The following PTPN14 variants were observed in gnomAD, a reference collection of about 807,000 sequenced individuals.
PTPN14 encodes the protein protein tyrosine phosphatase non-receptor type 14, also known as tyrosine-protein phosphatase non-receptor type 14.
A neutral mutation model predicts 126.8 loss-of-function variants in PTPN14; 53 were observed. That is an observed-to-expected ratio of 0.42 (90% CI 0.34 to 0.53). PTPN14 has a LOEUF of 0.53. Among genes scored for constraint, PTPN14 ranks in the 20% least tolerant of loss-of-function variants. The pLI is 0.08. For synonymous variants in PTPN14, 630 were observed against 599.3 expected (o/e 1.05, Z -0.75); for missense variants, 1,257 against 1,552.9 (o/e 0.81, Z 3.20).
chr1:214,391,923 A>G (rs1658762506), intron 10 of PTPN14, among the ~76,000 whole-genome samples: 1 of 152,112 alleles, frequency 6.6e-6, no homozygotes, highest in Non-Finnish European at 1.5e-5. Flanking sequence ...CCGCCGCCTA[A>G]TTTTTCTCCC....
At chr1:214,436,786 C>CAAAAAAAA (rs1159209240) in intron 3 of PTPN14, among the ~76,000 whole-genome samples, 3 of 46,646 alleles carry the variant, frequency 6.4e-5, no homozygotes, top group African/African-American at 2.3e-4. Context: ...GACTCCGTCT[C>CAAAAAAAA]AAAAAAAAAA....
intron 3 of PTPN14, 70 bp downstream of exon 3, chr1:214,451,735 A>T: frequency 1.3e-6 from 2 of 1,538,926 alleles, no homozygotes; most frequent in Non-Finnish European, 1.8e-6. Context: ...CTACCAGCTC[A>T]TCTACTTCAT....
chr1:214,505,519 C>T (rs148965797), intron 1 of PTPN14, among the ~76,000 whole-genome samples: 24 of 152,270 alleles, frequency 1.6e-4, no homozygotes, highest in Admixed American at 5.2e-4. Context: ...GAGCTGAGGA[C>T]GGAATGGGAG....
chr1:214,364,410 G>A lies in PTPN14; in HGVS notation c.3435+102C>T. The stretch of plus-strand genomic sequence containing the variant: ...CTGGAAAACTCTGGTTGGGAGACAG[G>A]AAATTAACCACTGAAAATGCAAGGG... On this transcript the variant is annotated intron_variant, in intron 18 of 18. Transcript: ENST00000366956. The surrounding 1 kb of genome is among the most constrained non-coding windows in gnomAD (Gnocchi z 4.1). 1.4e-6 allele frequency: 2 copies of A among 1,428,446 alleles called. No individual in the cohort carries two copies. The highest frequency in any genetic ancestry group is 1.9e-6 in the Non-Finnish European group (2 of 1,059,928). 88.5% of individuals were successfully genotyped at this position (1,428,446 alleles called of 1,614,324 possible). A position where few individuals can be genotyped will look rare whatever the true frequency, so the allele number is the denominator to read the frequency against.
intron 1 of PTPN14, among the ~76,000 whole-genome samples, chr1:214,509,923 G>A (rs1482483445): frequency 6.6e-6 from 1 of 152,206 alleles, no homozygotes; most frequent in African/African-American, 2.4e-5. Flanking sequence ...TCACTCGTAG[G>A]TGGGAATTGA....
rs73074087 is a variant in PTPN14 at position 214,402,736 on chromosome 1, G to A, written c.581+147C>T. ...AAGTGGACATTCACTTTTGCAGAAC[G>A]GAAGTACAGAGCTGAGTCACGTGGT... On this transcript the variant is annotated intron_variant, in intron 6 of 18. Coordinates refer to ENST00000366956, the MANE Select transcript of PTPN14 (RefSeq NM_005401.5). 0.011 allele frequency: 7,335 copies of A among 689,316 alleles called. 355 individuals are homozygous for A. The highest frequency in any genetic ancestry group is 0.1 in the African/African-American group (5,620 of 53,846). The allele number at this position is 689,316 out of a possible 1,614,324, so 42.7% of individuals were successfully genotyped here. A position where few individuals can be genotyped will look rare whatever the true frequency, so the allele number is the denominator to read the frequency against.
At chr1:214,461,353 C>T (rs941882141) in intron 2 of PTPN14, among the ~76,000 whole-genome samples, 4 of 152,254 alleles carry the variant, frequency 2.6e-5, no homozygotes, top group Admixed American at 6.5e-5. Flanking sequence ...ACATATTACC[C>T]TGAGCACAGT....
intron 1 of PTPN14, among the ~76,000 whole-genome samples, chr1:214,549,846 A>T (rs1331209257): frequency 2.0e-5 from 3 of 152,194 alleles, no homozygotes; most frequent in Non-Finnish European, 4.4e-5. Context: ...TGTGGTTCCC[A>T]TAAGTGGCTA....
In PTPN14 at chr1:214,384,775, A is replaced by G. The variant is rs1221741578; in HGVS notation, c.1080T>C (p.His360=). 6.8e-6 allele frequency: 11 copies of G among 1,612,320 alleles called. No homozygotes were observed. Among genetic ancestry groups the G allele is most frequent in the Middle Eastern group, 1.8e-4 (1 of 5,714 alleles). The part of the protein sequence containing the change: ...ETHTSQDSIF[H]GNEEALYCNS... ...TGCAATACAAGGCTTCTTCATTCCC[A>G]TGAAAAATGCTGTCTACAAGAAGTC... Residue 360 remains histidine, a synonymous_variant, in exon 13 of 19, where the codon CAT becomes CAC. Coordinates refer to ENST00000366956, the MANE Select transcript of PTPN14 (RefSeq NM_005401.5). This position sits in a 1 kb window ranked among gnomAD's most constrained non-coding sequence, Gnocchi z 5.3.
chr1:214,442,953 A>T (rs1032834451), intron 3 of PTPN14, among the ~76,000 whole-genome samples: 14 of 151,960 alleles, frequency 9.2e-5, no homozygotes, highest in Admixed American at 7.2e-4. Context: ...CCTCCTGAGT[A>T]GCTGGGATTA....
chr1:214,384,568 G>C lies in PTPN14; in HGVS notation c.1287C>G (p.His429Gln), dbSNP rs1015605584. ...AGGGCACGATGATCGCGCTGTGCCGGTGGCTCGGGATGTAGTCGGCCCGCA... is the reference window on the plus strand; with the variant it reads ...AGGGCACGATGATCGCGCTGTGCCGCTGGCTCGGGATGTAGTCGGCCCGCA... ...DIMRADYIPS[H>Q]RHSAIIVPSY... is the part of the protein sequence containing the mutation. The change falls in exon 13 of 19, where the codon CAC becomes CAG. Residue 429 changes from histidine (H) to glutamine (Q), a missense_variant. By Grantham distance (24) the His-to-Gln change is conservative. This residue lies in a region of PTPN14 where 1,021 missense variants were observed against 1,183.3 expected (regional missense o/e 0.86). Transcript: ENST00000366956. This position sits in a 1 kb window ranked among gnomAD's most constrained non-coding sequence, Gnocchi z 5.3. 1.2e-6 allele frequency: 2 copies of C among 1,614,046 alleles called. No individual in the cohort carries two copies. The highest frequency in any genetic ancestry group is 1.7e-6 in the Non-Finnish European group (2 of 1,180,044).
chr1:214,470,641 G>A (rs1478689579), intron 1 of PTPN14, among the ~76,000 whole-genome samples: 2 of 151,830 alleles, frequency 1.3e-5, no homozygotes, highest in South Asian at 2.1e-4. Flanking sequence ...AAAATTAGCC[G>A]GGTGTGGTGG....
rs1571631055 is a variant in PTPN14 at position 214,506,673 on chromosome 1, A to G, written c.-154-41716T>C. ...GTAGTGGGGTTCTGCCAGGTGGCCA[A>G]TGCTCATTAACCAGGGATACAGGTG... is the stretch of plus-strand genomic sequence containing the variant. On this transcript the variant is annotated intron_variant, in intron 1 of 18. Coordinates refer to ENST00000366956, the MANE Select transcript of PTPN14 (RefSeq NM_005401.5). Among the ~76,000 whole-genome samples, 3 of 152,346 alleles carry G rather than the reference A, an allele frequency of 2.0e-5. No homozygotes were observed. The East Asian group carries it at 5.8e-4, about 29-fold the overall frequency.
chr1:214,517,933 A>C (rs1213287461), intron 1 of PTPN14, among the ~76,000 whole-genome samples: 1 of 152,156 alleles, frequency 6.6e-6, no homozygotes, highest in African/African-American at 2.4e-5. Context: ...TGACAGAGAG[A>C]GACTCAATCT....
At chr1:214,414,530 GATC>G in intron 4 of PTPN14, 96 bp downstream of exon 4, 1 of 1,065,648 alleles carries the variant, frequency 9.4e-7, no homozygotes, top group Non-Finnish European at 1.4e-6. Context: ...ATTACTAAGG[GATC>G]ATTTAAGTAA....
chr1:214,499,232 G>A (rs1449575106), intron 1 of PTPN14, among the ~76,000 whole-genome samples: 2 of 152,168 alleles, frequency 1.3e-5, no homozygotes, highest in Admixed American at 1.3e-4. Flanking sequence ...GAGAGGTTAT[G>A]TGGACAGTCT....
At chr1:214,521,568 A>T (rs1239122953) in intron 1 of PTPN14, among the ~76,000 whole-genome samples, 2 of 152,096 alleles carry the variant, frequency 1.3e-5, no homozygotes, top group African/African-American at 4.8e-5. Flanking sequence ...ACAAAAAATT[A>T]GGTGGGCGTG....
chr1:214,481,534 A>AAAAAAAAAT (rs1660988487), intron 1 of PTPN14, among the ~76,000 whole-genome samples: 1 of 139,552 alleles, frequency 7.2e-6, no homozygotes, highest in Non-Finnish European at 1.6e-5. Context: ...AAAAAAAAGA[A>AAAAAAAAAT]TAGAAATTAA....
chr1:214,507,237 G>T (rs1293994352), intron 1 of PTPN14, among the ~76,000 whole-genome samples: 1 of 152,128 alleles, frequency 6.6e-6, no homozygotes, highest in African/African-American at 2.4e-5. Context: ...TCAAAGATTA[G>T]GTGTATCTCT....
Sources: allele counts gnomAD v4.1 joint callset (sites outside exome capture counted in the v4.1 genomes callset), GRCh38; gene constraint gnomAD v4.1.1; regional missense constraint gnomAD v4.1.1; non-coding constraint Gnocchi (gnomAD v3.1); transcripts MANE v1.5; gene names NCBI Gene and HGNC (gene_info 2026-07-23, HGNC 2026-07-21).